DAB1: variants seen among roughly 807,000 people sequenced by gnomAD.
DAB1 encodes the protein DAB adaptor protein 1.
Under a neutral mutation model 64.6 loss-of-function variants are expected in DAB1, and 15 were observed. The ratio of observed to expected loss-of-function variants is 0.23; its 90% CI spans 0.16 to 0.36. The LOEUF is 0.36. Ranked by LOEUF, DAB1 falls within the 10% of genes least tolerant of loss-of-function variation. The probability of loss-of-function intolerance (pLI) is 1.00; values close to 1 mark genes in which losing one functional copy is unlikely to be tolerated. For synonymous variants in DAB1, 235 were observed against 251.9 expected (o/e 0.93, Z 0.64); for missense variants, 596 against 706.7 (o/e 0.84, Z 1.78).
At chr1:58,163,625 G>A (rs571449405) in intron 4 of DAB1, among the ~76,000 whole-genome samples, 10 of 152,272 alleles carry the variant, frequency 6.6e-5, no homozygotes, top group Non-Finnish European at 1.2e-4. Flanking sequence ...ATGGAAGCTC[G>A]AAGAGGGCAG....
intron 7 of DAB1, among the ~76,000 whole-genome samples, chr1:57,519,338 C>T (rs959162996): frequency 3.9e-5 from 6 of 152,212 alleles, no homozygotes; most frequent in African/African-American, 1.4e-4. Context: ...GACCCAGACA[C>T]CAGCTCCCAA....
intron 4 of DAB1, among the ~76,000 whole-genome samples, chr1:58,289,058 TC>T (rs752992479): frequency 5.3e-5 from 8 of 152,212 alleles, no homozygotes; most frequent in Non-Finnish European, 1.0e-4. Flanking sequence ...TCTAGAGCTT[TC>T]TTTGTGTAGG....
chr1:58,313,024 C>A (rs1662465913), intron 4 of DAB1, among the ~76,000 whole-genome samples: 1 of 152,154 alleles, frequency 6.6e-6, no homozygotes, highest in South Asian at 2.1e-4. Context: ...CCCTTGGGGC[C>A]TATTCTGATT....
intron 6 of DAB1, among the ~76,000 whole-genome samples, chr1:57,776,364 A>G (rs1368426962): frequency 1.3e-5 from 2 of 151,750 alleles, no homozygotes; most frequent in African/African-American, 4.8e-5. Flanking sequence ...GCCTATAGTT[A>G]GGTCTTGCTT....
chr1:57,711,880 G>A (rs542932196), intron 6 of DAB1, among the ~76,000 whole-genome samples: 2 of 152,250 alleles, frequency 1.3e-5, no homozygotes, highest in Admixed American at 1.3e-4. Flanking sequence ...ATAGAGTAAA[G>A]CTTTTTCAGG....
intron 11 of DAB1, among the ~76,000 whole-genome samples, chr1:57,016,392 A>AGCAAC (rs1646432432): frequency 6.6e-6 from 1 of 151,990 alleles, no homozygotes; most frequent in African/African-American, 2.4e-5. Flanking sequence ...GACCAGCTTT[A>AGCAAC]GCAACATAAC....
chr1:58,315,057 T>A lies in DAB1; in HGVS notation n.309+28295A>T, dbSNP rs1488492005. ...CAAGGTGTGATTCAAGGACCAGAGCTAAACTGTGAATTATTTATTTATGGT... is the reference window on the plus strand; with the variant it reads ...CAAGGTGTGATTCAAGGACCAGAGCAAAACTGTGAATTATTTATTTATGGT... On this transcript the variant is annotated intron_variant and non_coding_transcript_variant, in intron 4 of 20. Coordinates refer to the DAB1 transcript ENST00000485760. 2.0e-5 allele frequency among the ~76,000 whole-genome samples: 3 copies of A among 152,234 alleles called. No homozygotes were observed. In the East Asian group the frequency reaches 5.8e-4, roughly 29 times the overall value.
At chr1:57,594,962 A>G (rs1645489768) in intron 7 of DAB1, among the ~76,000 whole-genome samples, 1 of 152,122 alleles carries the variant, frequency 6.6e-6, no homozygotes, top group South Asian at 2.1e-4. Flanking sequence ...CACCCGCCTC[A>G]GCCTCCCAAA....
intron 3 of DAB1, among the ~76,000 whole-genome samples, chr1:58,500,795 G>A (rs887837884): frequency 1.3e-5 from 2 of 152,156 alleles, no homozygotes; most frequent in East Asian, 3.8e-4. Context: ...GGGTTGGTAA[G>A]TGAAGTGGAG....
chr1:57,437,133 G>T (rs984939566), intron 7 of DAB1, among the ~76,000 whole-genome samples: 4 of 151,934 alleles, frequency 2.6e-5, no homozygotes, highest in Non-Finnish European at 4.4e-5. Context: ...GCAAGCTTCA[G>T]ATGGTGAAAG....
intron 14 of DAB1, among the ~76,000 whole-genome samples, chr1:57,005,430 A>G (rs1231921088): frequency 6.6e-6 from 1 of 152,162 alleles, no homozygotes; most frequent in African/African-American, 2.4e-5. Context: ...TAATGAAGTC[A>G]GCGTATTTTA....
chr1:57,384,658 T>A (rs1246764265), intron 1 of DAB1, among the ~76,000 whole-genome samples: 1 of 152,188 alleles, frequency 6.6e-6, no homozygotes, highest in African/African-American at 2.4e-5. Flanking sequence ...CAATCACAAT[T>A]CTACTTTTAT....
intron 4 of DAB1, 48 bp from the exon 5 acceptor site, chr1:57,072,462 C>G (rs775875268): frequency 1.3e-6 from 2 of 1,597,102 alleles, no homozygotes; most frequent in Non-Finnish European, 1.7e-6. Flanking sequence ...ACTTTCCCTT[C>G]GAGCTGTTGA....
chr1:57,309,675 C>A lies in DAB1; in HGVS notation c.-136-18509G>T, dbSNP rs189255799. Among the ~76,000 whole-genome samples, 744 of 152,184 alleles carry A rather than the reference C, an allele frequency of 4.9e-3. 3 individuals are homozygous for A. The highest frequency in any genetic ancestry group is 7.8e-3 in the Non-Finnish European group (530 of 68,006). ...GCTGAAAGCAAACAAACCCCAACAA[C>A]CTGGGCAAATTAATTTCTAGTAAAG... On this transcript the variant is annotated intron_variant, in intron 1 of 14. Coordinates refer to ENST00000371236, the MANE Select transcript of DAB1 (RefSeq NM_001365792.1).
intron 5 of DAB1, among the ~76,000 whole-genome samples, chr1:58,050,009 T>A (rs568011116): frequency 2.6e-4 from 39 of 152,140 alleles, no homozygotes; most frequent in African/African-American, 8.4e-4. Context: ...TCTAAAGAAG[T>A]GATATTAAAT....
intron 7 of DAB1, among the ~76,000 whole-genome samples, chr1:57,568,336 C>T (rs1405081056): frequency 6.6e-5 from 10 of 152,002 alleles, no homozygotes; most frequent in Non-Finnish European, 7.4e-5. Flanking sequence ...GAAGAAAACC[C>T]AGGCAATACC....
At chr1:58,517,596 C>T (rs1646177290) in intron 2 of DAB1, among the ~76,000 whole-genome samples, 1 of 152,130 alleles carries the variant, frequency 6.6e-6, no homozygotes, top group East Asian at 1.9e-4. Context: ...CCTGTATCTC[C>T]AATTCATAAT....
At chr1:58,025,141 G>A (rs1345796122) in intron 5 of DAB1, among the ~76,000 whole-genome samples, 1 of 149,886 alleles carries the variant, frequency 6.7e-6, no homozygotes, top group Non-Finnish European at 1.5e-5. Context: ...ACACCCTACT[G>A]TTTCTGTTTC....
chr1:57,246,581 A>T (rs1365395367), intron 2 of DAB1, among the ~76,000 whole-genome samples: 4 of 152,240 alleles, frequency 2.6e-5, no homozygotes, highest in African/African-American at 9.6e-5. Context: ...TACCCCACAG[A>T]GTCCTCAATG....
Sources: gnomAD v4.1 joint callset for allele counts (sites outside exome capture counted in the v4.1 genomes callset) on GRCh38, gnomAD v4.1.1 for gene constraint, MANE v1.5 for transcripts, NCBI Gene and HGNC (gene_info 2026-07-23, HGNC 2026-07-21) for gene names.